Variants in SH3PXD2A observed in about 807,000 individuals in gnomAD.
The protein encoded by SH3PXD2A is SH3 and PX domain-containing protein 2A.
In SH3PXD2A, 32 loss-of-function variants were observed where a neutral mutation model predicts 115.2. That is an observed-to-expected ratio of 0.28 (90% CI 0.21 to 0.37). SH3PXD2A has a LOEUF of 0.37. SH3PXD2A is among the 10% of genes least tolerant of loss of function. SH3PXD2A has a pLI of 1.00. For synonymous variants in SH3PXD2A, 610 were observed against 629.1 expected, an observed-to-expected ratio of 0.97 and a Z score of 0.45; for missense variants, 1,328 against 1,498.7, an observed-to-expected ratio of 0.89 and a Z score of 1.88.
At chr10:103,853,250 T>C (rs1309754214) in intron 1 of SH3PXD2A, among the ~76,000 whole-genome samples, 7 of 152,226 alleles carry the variant, frequency 4.6e-5, no homozygotes, top group Admixed American at 4.6e-4. Context: ...CAAGTTATTA[T>C]CAATCTTAAA....
intron 2 of SH3PXD2A, among the ~76,000 whole-genome samples, chr10:103,782,928 T>C (rs1181421162): frequency 7.1e-6 from 1 of 140,016 alleles, no homozygotes; most frequent in Non-Finnish European, 1.5e-5. Flanking sequence ...AATGAATGCA[T>C]GCCTTGGGGG....
At chr10:103,630,745 TAAAAA>T (rs57562821) in intron 8 of SH3PXD2A, among the ~76,000 whole-genome samples, 1 of 117,428 alleles carries the variant, frequency 8.5e-6, no homozygotes. Flanking sequence ...TCCCTTCTCT[TAAAAA>T]AAAAAAAAAA....
intron 9 of SH3PXD2A, among the ~76,000 whole-genome samples, chr10:103,626,337 T>C (rs888304490): frequency 6.6e-6 from 1 of 152,194 alleles, no homozygotes; most frequent in African/African-American, 2.4e-5. Flanking sequence ...CCCTCTGGCT[T>C]TCAGACATCC....
Position 103,602,936 on chromosome 10 carries a change from AATGGCTTGGGCCGGACCG to A in SH3PXD2A, c.2264_2281del (p.Ser755_Pro760del). ...GCTCTGCGACTCTGCTCGGTTTAGG[AATGGCTTGGGCCGGACCG>A]ATGGCTTGGCCCGGGGACAGGAGGT... is the stretch of plus-strand genomic sequence containing the variant. On this transcript the variant is annotated inframe_deletion, in exon 15 of 15. Coordinates refer to ENST00000369774, the MANE Select transcript of SH3PXD2A (RefSeq NM_001394015.1). 3 of 1,614,074 alleles carry A rather than the reference AATGGCTTGGGCCGGACCG, an allele frequency of 1.9e-6. No individual in the cohort carries two copies. Among genetic ancestry groups the A allele is most frequent in the African/African-American group, 1.3e-5 (1 of 75,012 alleles).
At chr10:103,765,101 C>T (rs944137938) in intron 3 of SH3PXD2A, among the ~76,000 whole-genome samples, 3 of 152,152 alleles carry the variant, frequency 2.0e-5, no homozygotes, top group African/African-American at 4.8e-5. Context: ...CCCCATTTTC[C>T]AGATGAGGAA....
intron 1 of SH3PXD2A, among the ~76,000 whole-genome samples, chr10:103,813,404 C>T (rs962286145): frequency 6.6e-6 from 1 of 152,096 alleles, no homozygotes; most frequent in African/African-American, 2.4e-5. Context: ...GCAGCCCTGA[C>T]CTCCTGGGCT....
At position 103,594,277 on chromosome 10, in the gene SH3PXD2A, A is replaced by C. The variant is rs973310954; in HGVS notation, c.*7539T>G. On this transcript the variant is annotated 3_prime_UTR_variant, in exon 15 of 15. Coordinates refer to ENST00000369774, the MANE Select transcript of SH3PXD2A (RefSeq NM_001394015.1). ...TAAAAACAAACCAACTCCACTATTAAAAATGCTAGAAACATGGAGATAGTT... is the reference window on the plus strand; with the variant it reads ...TAAAAACAAACCAACTCCACTATTACAAATGCTAGAAACATGGAGATAGTT... The C allele has an allele frequency of 2.0e-5, 3 of 152,638 alleles. No homozygotes were observed. The highest frequency in any genetic ancestry group is 7.2e-5 in the African/African-American group (3 of 41,454). 9.5% of individuals were successfully genotyped at this position (152,638 alleles called of 1,614,324 possible). A position where few individuals can be genotyped will look rare whatever the true frequency, so the allele number is the denominator to read the frequency against.
At chr10:103,804,382 CGTGATCTCGGCTCATT>C (rs1027039648) in intron 1 of SH3PXD2A, among the ~76,000 whole-genome samples, 11 of 129,014 alleles carry the variant, frequency 8.5e-5, no homozygotes, top group African/African-American at 3.4e-4. Context: ...AGTGCAGTGG[CGTGATCTCGGCTCATT>C]GTGACCTCCG....
chr10:103,801,208 G>C, intron 2 of SH3PXD2A, 74 bp downstream of exon 2: 3 of 885,502 alleles, frequency 3.4e-6, no homozygotes, highest in Non-Finnish European at 5.7e-6. Flanking sequence ...GGGGCTCCCT[G>C]GATAAGCGAG....
intron 1 of SH3PXD2A, among the ~76,000 whole-genome samples, chr10:103,836,209 T>C (rs2039538214): frequency 6.6e-6 from 1 of 152,168 alleles, no homozygotes; most frequent in African/African-American, 2.4e-5. Context: ...GACCCTTTTA[T>C]ACTAAAATCT....
At chr10:103,724,501 C>T (rs537534611) in intron 4 of SH3PXD2A, 140 bp from the exon 5 acceptor site, 1 of 529,670 alleles carries the variant, frequency 1.9e-6, no homozygotes, top group Non-Finnish European at 3.4e-6. Flanking sequence ...AGCCACCCAC[C>T]TGTCCACCCA....
At chr10:103,787,719 T>C (rs1054568017) in intron 2 of SH3PXD2A, among the ~76,000 whole-genome samples, 3 of 152,202 alleles carry the variant, frequency 2.0e-5, no homozygotes, top group Admixed American at 6.5e-5. Context: ...CCAAAGACCC[T>C]CTGCCAGCAT....
rs963858804 is a variant in SH3PXD2A at position 103,644,246 on chromosome 10, C to A, written c.604+16737G>T. ...AACAAAGCCACCTGCCCTACTTACC[C>A]TTAGAGAGTTACTCTGAGATAATAG... On this transcript the variant is annotated intron_variant, in intron 8 of 14. Transcript: ENST00000369774. 2.0e-5 allele frequency among the ~76,000 whole-genome samples: 3 copies of A among 151,812 alleles called. No individual in the cohort carries two copies. The South Asian group carries it at 6.3e-4, about 32-fold the overall frequency.
intron 3 of SH3PXD2A, among the ~76,000 whole-genome samples, chr10:103,740,610 G>C (rs2038433770): frequency 6.6e-6 from 1 of 152,190 alleles, no homozygotes; most frequent in South Asian, 2.1e-4. Flanking sequence ...GAGGTAATAA[G>C]AGGGCACTGA....
intron 3 of SH3PXD2A, among the ~76,000 whole-genome samples, chr10:103,748,975 CTT>C (rs376417666): frequency 6.8e-6 from 1 of 146,802 alleles, no homozygotes; most frequent in African/African-American, 2.5e-5. Flanking sequence ...TTTCTTCTTT[CTT>C]TTTTTTTTTT....
intron 8 of SH3PXD2A, among the ~76,000 whole-genome samples, chr10:103,637,906 T>C (rs1458252924): frequency 5.4e-4 from 82 of 152,276 alleles, no homozygotes; most frequent in Middle Eastern, 3.4e-3. Context: ...GAGCTAAGGC[T>C]TCTGCCTTTG....
At chr10:103,788,092 A>G (rs1245922095) in intron 2 of SH3PXD2A, among the ~76,000 whole-genome samples, 3 of 152,128 alleles carry the variant, frequency 2.0e-5, no homozygotes, top group Non-Finnish European at 2.9e-5. Flanking sequence ...CACAGGGAGG[A>G]TCGGAGCCCC....
At chr10:103,818,562 C>T (rs915059040) in intron 1 of SH3PXD2A, among the ~76,000 whole-genome samples, 6 of 152,152 alleles carry the variant, frequency 3.9e-5, no homozygotes, top group East Asian at 1.9e-4. Context: ...TCACTGGCCC[C>T]GGTAGACCCT....
At chr10:103,748,920 C>T (rs2134202503) in intron 3 of SH3PXD2A, among the ~76,000 whole-genome samples, 1 of 152,238 alleles carries the variant, frequency 6.6e-6, no homozygotes, top group East Asian at 1.9e-4. Context: ...GACACCAGAA[C>T]CTTCAGACCC....
Sources: allele counts gnomAD v4.1 joint callset (sites outside exome capture counted in the v4.1 genomes callset), GRCh38; gene constraint gnomAD v4.1.1; transcripts MANE v1.5; gene names NCBI Gene and HGNC (gene_info 2026-07-23, HGNC 2026-07-21).